FBN3: variants seen among roughly 807,000 people sequenced by gnomAD.
FBN3 encodes fibrillin 3.
A neutral mutation model predicts 330.1 loss-of-function variants in FBN3; 234 were observed. That is an observed-to-expected ratio of 0.71 (90% CI 0.64 to 0.79). The LOEUF (loss-of-function observed/expected upper bound fraction) is 0.79. Among genes scored for constraint, FBN3 ranks in the 30% least tolerant of loss-of-function variants. The pLI is 0.00. For missense variants in FBN3, 3,606 were observed against 3,886.9 expected (o/e 0.93, Z 1.92); for synonymous variants, 1,458 against 1,517.3 (o/e 0.96, Z 0.91).
At chr19:8,143,739 C>T (rs559798139) in intron 6 of FBN3, among the ~76,000 whole-genome samples, 60 of 151,468 alleles carry the variant, frequency 4.0e-4, no homozygotes, top group African/African-American at 1.4e-3. Flanking sequence ...GTGATCTGCC[C>T]GCCTCGGCCT....
Position 8,065,548 on chromosome 19 carries a change from GCC to G in FBN3, c.*369_*370del, listed in dbSNP as rs1599241126. On this transcript the variant is annotated 3_prime_UTR_variant, in exon 64 of 64. Transcript: ENST00000600128. The stretch of plus-strand genomic sequence containing the variant: ...AATAAGCCCTGTGCCCACCCCAGTT[GCC>G]CATTGCCATGTCCTGCCAACCCCCT... 4.3e-6 allele frequency: 1 copy of G among 233,806 alleles called. No individual in the cohort carries two copies. The highest frequency in any genetic ancestry group is 8.7e-5 in the East Asian group (1 of 11,556). The allele number at this position is 233,806 out of a possible 1,614,324, so 14.5% of individuals were successfully genotyped here.
rs111498556 is a variant in FBN3 at position 8,088,927 on chromosome 19, TGAGG to T, written c.6376+614_6376+617del. On this transcript the variant is annotated intron_variant, in intron 51 of 63. Transcript: ENST00000600128. The stretch of plus-strand genomic sequence containing the variant: ...AGTGAATAAATGAGGTGTGAATGAA[TGAGG>T]GAGTGATTGAATGAACAAGTGAATG... Among the ~76,000 whole-genome samples the T allele has an allele frequency of 3.5e-3, 530 of 151,428 alleles. 3 individuals carry two copies. The highest frequency in any genetic ancestry group is 0.012 in the African/African-American group (491 of 41,254).
At position 8,130,624 on chromosome 19, in the gene FBN3, GAAAGAAAGAAAGAAA is replaced by G. The variant is rs2083112763; in HGVS notation, c.2044+596_2044+610del. Among the ~76,000 whole-genome samples, 4 of 13,968 alleles carry G rather than the reference GAAAGAAAGAAAGAAA, an allele frequency of 2.9e-4. 1 individual carries two copies. The highest frequency in any genetic ancestry group is 1.6e-3 in the Admixed American group (3 of 1,902). 9.2% of individuals were successfully genotyped at this position (13,968 alleles called of 152,430 possible). ...AGAAAGAAAGAAAGAAAGAAAGAAAGAAAGAAAGAAAGAAAGAAAGGAAAGGAAAGGAAAGGAAAA... is the reference window on the plus strand; with the variant it reads ...AGAAAGAAAGAAAGAAAGAAAGAAAGGAAAGGAAAGGAAAGGAAAGGAAAA... On this transcript the variant is annotated intron_variant, in intron 16 of 63. Transcript: ENST00000600128.
intron 23 of FBN3, 53 bp downstream of exon 23, chr19:8,123,731 A>C (rs2082909573): frequency 6.2e-7 from 1 of 1,601,778 alleles, no homozygotes; most frequent in East Asian, 2.2e-5. Flanking sequence ...GCTTTTGCCT[A>C]TGCCGTGCCC....
At chr19:8,107,702 G>A (rs1358634987) in intron 37 of FBN3, among the ~76,000 whole-genome samples, 1 of 146,138 alleles carries the variant, frequency 6.8e-6, no homozygotes, top group South Asian at 2.4e-4. Flanking sequence ...ATGGGTAGAT[G>A]GAGGATGGTT....
chr19:8,081,022 C>T lies in FBN3; in HGVS notation c.7434G>A (p.Gln2478=). Residue 2478 remains glutamine, a synonymous_variant, in exon 59 of 64, where the codon CAG becomes CAA. Coordinates refer to ENST00000600128, the MANE Select transcript of FBN3 (RefSeq NM_032447.5). The part of the protein sequence containing the change: ...FTCRCPPGFT[Q]HHQACFDNDE... ...ACTCACCGAAGCAGGCCTGGTGGTG[C>T]TGGGTGAAGCCGGGCGGACAGCGGC... 1 of 1,612,530 alleles carries T rather than the reference C, an allele frequency of 6.2e-7. No individual in the cohort carries two copies. The highest frequency in any genetic ancestry group is 1.7e-5 in the Admixed American group (1 of 60,018).
intron 63 of FBN3, among the ~76,000 whole-genome samples, chr19:8,068,266 C>T (rs1021717272): frequency 6.6e-6 from 1 of 151,628 alleles, no homozygotes; most frequent in Non-Finnish European, 1.5e-5. Context: ...TGTCAGGTGC[C>T]TGTAGTCCCA....
chr19:8,136,886 G>A (rs1362669377), intron 10 of FBN3, among the ~76,000 whole-genome samples: 8 of 118,404 alleles, frequency 6.8e-5, no homozygotes, highest in African/African-American at 1.0e-4. Context: ...ACCTGGGCCT[G>A]GATCCCTCCA....
intron 26 of FBN3, among the ~76,000 whole-genome samples, chr19:8,118,054 TACAC>T (rs35347475): frequency 2.0e-5 from 3 of 150,640 alleles, no homozygotes; most frequent in African/African-American, 4.9e-5. Context: ...CACTCACACA[TACAC>T]ACACACCCAT....
intron 24 of FBN3, among the ~76,000 whole-genome samples, chr19:8,122,218 G>A (rs1288362391): frequency 2.0e-5 from 3 of 152,038 alleles, no homozygotes; most frequent in African/African-American, 4.8e-5. Context: ...GTCTCGCTGT[G>A]TTACCCAGGA....
At chr19:8,117,313 G>C in intron 27 of FBN3, 22 bp from the exon 28 acceptor site, 1 of 1,590,438 alleles carries the variant, frequency 6.3e-7, no homozygotes, top group Admixed American at 1.7e-5. Flanking sequence ...AGGGCAGACA[G>C]GGGCTGGGGC....
intron 37 of FBN3, among the ~76,000 whole-genome samples, chr19:8,106,862 G>A (rs539601034): frequency 2.6e-5 from 4 of 152,024 alleles, no homozygotes; most frequent in Admixed American, 2.0e-4. Flanking sequence ...ATGAGTGGAT[G>A]GATGGATGTA....
Position 8,129,015 on chromosome 19 carries a change from C to T in FBN3, c.2296+13G>A, listed in dbSNP as rs377189635. ...GTGTGTGTGCAAACCCACGTGAGCC[C>T]GGGACCCAGTACCTTTGCAGATCTC... On this transcript the variant is annotated intron_variant, in intron 18 of 63. Transcript: ENST00000600128. The surrounding 1 kb of genome is among the most constrained non-coding windows in gnomAD (Gnocchi z 4.5). 3.0e-5 allele frequency: 48 copies of T among 1,607,776 alleles called. No individual in the cohort carries two copies. The highest frequency in any genetic ancestry group is 1.1e-4 in the East Asian group (5 of 44,792).
rs138173924 is a variant in FBN3 at position 8,116,771 on chromosome 19, G to A, written c.3615C>T (p.Arg1205=). ...TGGTGCAGTGGCCTTGGTCACAAAC[G>A]CGGGGGTTCTCTTCACACTCGTCCA... is the stretch of plus-strand genomic sequence containing the variant. ...ADVDECEENP[R]VCDQGHCTNM... is the part of the protein sequence containing the mutation. The change falls in exon 29 of 64, where the codon CGC becomes CGT. Residue 1205 remains arginine, a synonymous_variant. Transcript: ENST00000600128. The A allele has an allele frequency of 3.9e-5, 63 of 1,614,062 alleles. No individual in the cohort carries two copies. Among genetic ancestry groups the A allele is most frequent in the African/African-American group, 9.3e-5 (7 of 75,022 alleles).
rs1304757399 is a variant in FBN3 at position 8,111,827 on chromosome 19, A to C, written c.3962-57T>G. 3.1e-6 allele frequency: 5 copies of C among 1,590,018 alleles called. No individual in the cohort carries two copies. The African/African-American group carries it at 6.7e-5, about 21-fold the overall frequency. The stretch of plus-strand genomic sequence containing the variant: ...CATGGTGTGTGCATTGGGTGGGCGC[A>C]GAAGGGAGAAAGACCCATCAACCCT... On this transcript the variant is annotated intron_variant, in intron 31 of 63. Transcript: ENST00000600128.
In FBN3 at chr19:8,135,950, C is replaced by T; in HGVS notation, c.1591+11G>A. 1 of 534,504 alleles carries T rather than the reference C, an allele frequency of 1.9e-6. No individual in the cohort carries two copies. The highest frequency in any genetic ancestry group is 1.8e-5 in the African/African-American group (1 of 55,082). 33.1% of individuals were successfully genotyped at this position (534,504 alleles called of 1,614,324 possible). A position where few individuals can be genotyped will look rare whatever the true frequency, so the allele number is the denominator to read the frequency against. On this transcript the variant is annotated intron_variant, in intron 13 of 63. Coordinates refer to ENST00000600128, the MANE Select transcript of FBN3 (RefSeq NM_032447.5). ...CGGAAGCCCCTGCCCACCCGCCCAC[C>T]CCCAACTCACCCACACAGTTCTTGC...
chr19:8,128,606 A>T (rs1245503240), intron 18 of FBN3, among the ~76,000 whole-genome samples: 1 of 151,950 alleles, frequency 6.6e-6, no homozygotes, highest in Non-Finnish European at 1.5e-5. Context: ...ATGTGAGTAT[A>T]TATGTGTCTT....
chr19:8,106,887 G>A (rs1194724784), intron 37 of FBN3, among the ~76,000 whole-genome samples: 1 of 151,588 alleles, frequency 6.6e-6, no homozygotes, highest in Non-Finnish European at 1.5e-5. Context: ...GGATGGATGG[G>A]TGAATGGGGG....
chr19:8,095,776 T>C (rs1334494914), intron 45 of FBN3, among the ~76,000 whole-genome samples, 188 bp downstream of exon 45: 1 of 152,240 alleles, frequency 6.6e-6, no homozygotes, highest in East Asian at 1.9e-4. Context: ...TTTCATTTTC[T>C]TTTACTTCAA....
Sources: allele counts gnomAD v4.1 joint callset (sites outside exome capture counted in the v4.1 genomes callset), GRCh38; gene constraint gnomAD v4.1.1; non-coding constraint Gnocchi (gnomAD v3.1); transcripts MANE v1.5; gene names NCBI Gene and HGNC (gene_info 2026-07-23, HGNC 2026-07-21).